The following DEFB131B variants were observed in gnomAD, a reference collection of about 807,000 sequenced individuals.
The protein encoded by DEFB131B is beta-defensin 131B.
Under a neutral mutation model 2.1 loss-of-function variants are expected in DEFB131B, and 2 were observed. That is an observed-to-expected ratio of 0.94 (90% CI 0.38 to 2.95). The LOEUF is 2.95. DEFB131B is among the 30% of genes most tolerant of loss of function. The pLI is 0.09. For missense variants in DEFB131B, 77 were observed against 78.5 expected (o/e 0.98, Z 0.07); for synonymous variants, 26 against 25.8 (o/e 1.01, Z -0.03).
At chr11:71,883,177 T>C (rs1952585540) in intron 1 of DEFB131B, among the ~76,000 whole-genome samples, 1 of 152,262 alleles carries the variant, frequency 6.6e-6, no homozygotes, top group South Asian at 2.1e-4. Flanking sequence ...TTCAAAGCAA[T>C]TTATAGATTA....
At chr11:71,884,376 G>C in intron 1 of DEFB131B, 31 bp from the exon 2 acceptor site, 1 of 1,542,778 alleles carries the variant, frequency 6.5e-7, no homozygotes, top group Non-Finnish European at 8.7e-7. Context: ...AAGTAATATT[G>C]TGTCATATAA....
At chr11:71,879,876 A>G (rs1309054495) in intron 1 of DEFB131B, among the ~76,000 whole-genome samples, 2 of 152,176 alleles carry the variant, frequency 1.3e-5, no homozygotes, top group Non-Finnish European at 2.9e-5. Flanking sequence ...TTCATTTAGC[A>G]TAATGTTTTC....
At chr11:71,879,732 A>C (rs1952548173) in intron 1 of DEFB131B, among the ~76,000 whole-genome samples, 1 of 152,114 alleles carries the variant, frequency 6.6e-6, no homozygotes, top group African/African-American at 2.4e-5. Flanking sequence ...TATGTTTATC[A>C]GCGCAAGAAG....
intron 1 of DEFB131B, among the ~76,000 whole-genome samples, chr11:71,882,264 C>CT (rs912572496): frequency 3.5e-4 from 52 of 148,436 alleles, no homozygotes; most frequent in East Asian, 2.8e-3. Context: ...GCAAAATTAT[C>CT]TTTTTTTTTT....
intron 1 of DEFB131B, among the ~76,000 whole-genome samples, chr11:71,879,814 A>G (rs937458652): frequency 3.3e-5 from 5 of 152,124 alleles, no homozygotes; most frequent in Non-Finnish European, 7.4e-5. Context: ...CCTATTCTGG[A>G]CATTTACTAT....
rs1005251211 is a variant in DEFB131B at position 71,879,868 on chromosome 11, C to A, written c.58+1358C>A. Reference sequence around the variant, plus strand: ...CTGATCCTTCATGTCTGCCTTCTTTCATTTAGCATAATGTTTTCAAGATTC... The same window carrying A: ...CTGATCCTTCATGTCTGCCTTCTTTAATTTAGCATAATGTTTTCAAGATTC... On this transcript the variant is annotated intron_variant, in intron 1 of 1. Coordinates refer to ENST00000530210, the MANE Select transcript of DEFB131B (RefSeq NM_001242853.1). 3.9e-4 allele frequency among the ~76,000 whole-genome samples: 59 copies of A among 152,134 alleles called. 2 individuals carry two copies. The highest frequency in any genetic ancestry group is 2.6e-3 in the Admixed American group (39 of 15,272).
At chr11:71,878,954 C>A (rs1952542824) in intron 1 of DEFB131B, among the ~76,000 whole-genome samples, 1 of 152,122 alleles carries the variant, frequency 6.6e-6, no homozygotes, top group Non-Finnish European at 1.5e-5. Context: ...CAGCTTAGTT[C>A]ATGCCACTGC....
intron 1 of DEFB131B, 49 bp from the exon 2 acceptor site, chr11:71,884,358 T>C (rs772191186): frequency 1.7e-5 from 25 of 1,480,596 alleles, no homozygotes; most frequent in Non-Finnish European, 2.2e-5. Flanking sequence ...CATTTAAACA[T>C]AAAAAGTAAG....
At chr11:71,882,788 T>TG (rs1395214224) in intron 1 of DEFB131B, among the ~76,000 whole-genome samples, 1 of 152,144 alleles carries the variant, frequency 6.6e-6, no homozygotes, top group African/African-American at 2.4e-5. Flanking sequence ...TCCAAACTGT[T>TG]GGGGGGTGGG....
At position 71,880,319 on chromosome 11, in the gene DEFB131B, C is replaced by T. The variant is rs546993890; in HGVS notation, c.58+1809C>T. ...TTATTTAGCATATGGTTGTTTATAA[C>T]AGACTCTAATGATCCATTGTGTTTC... On this transcript the variant is annotated intron_variant, in intron 1 of 1. Transcript: ENST00000530210. 2.0e-5 allele frequency among the ~76,000 whole-genome samples: 3 copies of T among 152,222 alleles called. No homozygotes were observed. The East Asian group carries it at 5.8e-4, about 29-fold the overall frequency.
intron 1 of DEFB131B, among the ~76,000 whole-genome samples, chr11:71,882,501 G>A (rs1407531600): frequency 6.6e-6 from 1 of 152,182 alleles, no homozygotes; most frequent in Non-Finnish European, 1.5e-5. Context: ...AAAGTGCCAG[G>A]ATTAAAGGTG....
intron 1 of DEFB131B, among the ~76,000 whole-genome samples, chr11:71,880,852 C>T (rs896379660): frequency 3.9e-5 from 6 of 152,082 alleles, no homozygotes; most frequent in African/African-American, 1.4e-4. Flanking sequence ...ATTTCTAGTT[C>T]TATTCTATTT....
chr11:71,878,827 CAAA>C (rs201809792), intron 1 of DEFB131B, among the ~76,000 whole-genome samples: 2 of 120,232 alleles, frequency 1.7e-5, no homozygotes. Context: ...CCCATCTCTA[CAAA>C]AAAAAAAAAA....
intron 1 of DEFB131B, among the ~76,000 whole-genome samples, chr11:71,882,522 T>C (rs1471822940): frequency 1.3e-5 from 2 of 152,232 alleles, no homozygotes; most frequent in African/African-American, 4.8e-5. Context: ...CAGGCCACCA[T>C]GCCCAGCCTA....
At chr11:71,883,922 G>A (rs1952595624) in intron 1 of DEFB131B, among the ~76,000 whole-genome samples, 1 of 152,090 alleles carries the variant, frequency 6.6e-6, no homozygotes, top group Non-Finnish European at 1.5e-5. Flanking sequence ...GAACAGAGAA[G>A]CAACCAAAGA....
At chr11:71,882,385 C>T (rs1335627333) in intron 1 of DEFB131B, among the ~76,000 whole-genome samples, 2 of 152,090 alleles carry the variant, frequency 1.3e-5, no homozygotes, top group African/African-American at 2.4e-5. Context: ...CCAGCCACCA[C>T]CACGCCTGGC....
At chr11:71,880,706 G>A (rs962896431) in intron 1 of DEFB131B, among the ~76,000 whole-genome samples, 16 of 152,034 alleles carry the variant, frequency 1.1e-4, no homozygotes, top group African/African-American at 3.9e-4. Context: ...TTGGTATGTT[G>A]TGTTTCCATT....
rs781403486 is a variant in DEFB131B at position 71,878,457 on chromosome 11, G to C, written c.5G>C (p.Arg2Thr). M[R>T]VLFFVFGVLS... ...ACCTGCTTTACCTATTCAACCATGA[G>C]GGTCTTGTTTTTTGTCTTTGGAGTC... Residue 2 changes from arginine to threonine, a missense_variant, in exon 1 of 2, where the codon AGG becomes ACG. Transcript: ENST00000530210. 3.1e-6 allele frequency: 5 copies of C among 1,611,704 alleles called. No individual in the cohort carries two copies. In the South Asian group the frequency reaches 5.5e-5, roughly 18 times the overall value.
At chr11:71,879,021 AT>A (rs764845449) in intron 1 of DEFB131B, among the ~76,000 whole-genome samples, 15 of 152,158 alleles carry the variant, frequency 9.9e-5, no homozygotes, top group Admixed American at 2.0e-4. Flanking sequence ...ATAAAAAAAA[AT>A]AAACTTACTT....
Sources: gnomAD v4.1 joint callset for allele counts (sites outside exome capture counted in the v4.1 genomes callset) on GRCh38, gnomAD v4.1.1 for gene constraint, MANE v1.5 for transcripts, NCBI Gene and HGNC (gene_info 2026-07-23, HGNC 2026-07-21) for gene names.